The following ETV6 variants were observed in gnomAD, a reference collection of about 807,000 sequenced individuals.
The protein encoded by ETV6 is transcription factor ETV6.
ETV6 carries 16 observed loss-of-function variants against 51.1 expected under a neutral mutation model. The observed-to-expected ratio is 0.31, with a 90% CI of 0.21 to 0.48. The LOEUF (loss-of-function observed/expected upper bound fraction) is 0.48, where lower values mean the gene tolerates loss of function less well. ETV6 is among the 20% of genes least tolerant of loss of function. ETV6 has a pLI of 0.99. For missense variants in ETV6, 458 were observed against 594.8 expected (o/e 0.77, Z 2.39); for synonymous variants, 240 against 224.1 (o/e 1.07, Z -0.64).
chr12:11,797,080 T>A (rs911069170), intron 2 of ETV6, among the ~76,000 whole-genome samples: 1 of 152,232 alleles, frequency 6.6e-6, no homozygotes, highest in Non-Finnish European at 1.5e-5. Flanking sequence ...CAATGAAAGA[T>A]TCTTTTTCTC....
At chr12:11,666,885 C>A (rs1313355223) in intron 1 of ETV6, among the ~76,000 whole-genome samples, 1 of 152,208 alleles carries the variant, frequency 6.6e-6, no homozygotes, top group East Asian at 1.9e-4. Context: ...GTGGGTCAGT[C>A]TCCACGAGGC....
Position 11,895,206 on chromosome 12 carries a change from C to T in ETV6, c.*4160C>T. ...ACGACTCTAGAATTTCCTTCCCCGC[C>T]CCCCTTTTTGTTTAGTTTCTAATCT... On this transcript the variant is annotated 3_prime_UTR_variant, in exon 8 of 8. Transcript: ENST00000396373. 4.3e-6 allele frequency: 1 copy of T among 232,692 alleles called. No homozygotes were observed. The highest frequency in any genetic ancestry group is 8.5e-6 in the Non-Finnish European group (1 of 117,546). 14.4% of individuals were successfully genotyped at this position (232,692 alleles called of 1,614,324 possible).
intron 1 of ETV6, among the ~76,000 whole-genome samples, chr12:11,696,629 C>CA (rs1432167871): frequency 6.6e-6 from 1 of 152,050 alleles, no homozygotes; most frequent in Non-Finnish European, 1.5e-5. Context: ...CCAGCCTGGG[C>CA]AAGTGGTGAA....
intron 3 of ETV6, among the ~76,000 whole-genome samples, chr12:11,843,314 A>G (rs1302768315): frequency 4.6e-5 from 7 of 152,022 alleles, no homozygotes; most frequent in African/African-American, 1.7e-4. Flanking sequence ...AATCCTTTTT[A>G]TTTTCCAGAT....
chr12:11,849,080 T>C (rs1946508230), intron 3 of ETV6, among the ~76,000 whole-genome samples: 1 of 152,050 alleles, frequency 6.6e-6, no homozygotes, highest in African/African-American at 2.4e-5. Flanking sequence ...TTTTTAAATA[T>C]ATTCTTTATC....
At chr12:11,681,490 C>T (rs200633262) in intron 1 of ETV6, among the ~76,000 whole-genome samples, 98 of 151,772 alleles carry the variant, frequency 6.5e-4, no homozygotes, top group African/African-American at 2.1e-3. Context: ...TCATTTTCAC[C>T]GTTTAAGGTC....
At chr12:11,769,467 A>T (rs931585104) in intron 2 of ETV6, among the ~76,000 whole-genome samples, 2 of 152,136 alleles carry the variant, frequency 1.3e-5, no homozygotes, top group Non-Finnish European at 2.9e-5. Context: ...TTTTGATGGT[A>T]CCTGATTATA....
Position 11,663,708 on chromosome 12 carries a change from A to G in ETV6, c.33+13548A>G, listed in dbSNP as rs543456406. Among the ~76,000 whole-genome samples the G allele has an allele frequency of 1.1e-4, 16 of 152,280 alleles. No individual in the cohort carries two copies. The South Asian group carries it at 2.3e-3, about 22-fold the overall frequency. On this transcript the variant is annotated intron_variant, in intron 1 of 7. Transcript: ENST00000396373. The stretch of plus-strand genomic sequence containing the variant: ...TCTGGTCTGAAAAGGTGATGTGTAC[A>G]TATTGTACATTTGAGATAGTTTGCC...
intron 2 of ETV6, among the ~76,000 whole-genome samples, chr12:11,808,323 T>C (rs1235238438): frequency 6.6e-6 from 1 of 151,974 alleles, no homozygotes; most frequent in Non-Finnish European, 1.5e-5. Context: ...ATTTCCCCCA[T>C]GGGATACAAT....
At chr12:11,813,601 C>G (rs1945946304) in intron 2 of ETV6, among the ~76,000 whole-genome samples, 1 of 151,298 alleles carries the variant, frequency 6.6e-6, no homozygotes, top group African/African-American at 2.4e-5. Flanking sequence ...CTCCCTCCCT[C>G]TTTCCTTCTC....
intron 1 of ETV6, among the ~76,000 whole-genome samples, chr12:11,702,895 C>T (rs574891157): frequency 6.6e-6 from 1 of 152,212 alleles, no homozygotes; most frequent in South Asian, 2.1e-4. Flanking sequence ...CGCTTGAGCC[C>T]AGGAGTTTAA....
chr12:11,663,903 G>T (rs1864147687), intron 1 of ETV6, among the ~76,000 whole-genome samples: 1 of 152,190 alleles, frequency 6.6e-6, no homozygotes, highest in African/African-American at 2.4e-5. Flanking sequence ...CTTAAGTGAA[G>T]AGGTGTTTGG....
rs1945269482 is a variant in ETV6, at chr12:11,773,260, T to G, written c.163+20681T>G. 1.3e-5 allele frequency among the ~76,000 whole-genome samples: 2 copies of G among 151,302 alleles called. 1 individual carries two copies. Among genetic ancestry groups the G allele is most frequent in the South Asian group, 4.1e-4 (2 of 4,822 alleles). ...TGTCACCTTTTTGTCTTAAGTTTACTTTGTTGGTATAAAGAATTTTTTTTA... is the reference window on the plus strand; with the variant it reads ...TGTCACCTTTTTGTCTTAAGTTTACGTTGTTGGTATAAAGAATTTTTTTTA... On this transcript the variant is annotated intron_variant, in intron 2 of 7. Transcript: ENST00000396373.
At chr12:11,775,177 A>G (rs938130727) in intron 2 of ETV6, among the ~76,000 whole-genome samples, 1 of 152,230 alleles carries the variant, frequency 6.6e-6, no homozygotes, top group Admixed American at 6.5e-5. Flanking sequence ...GAGTAAAGGA[A>G]AAAGCTGGGC....
chr12:11,718,033 TG>T (rs1020979564), intron 1 of ETV6, among the ~76,000 whole-genome samples: 2 of 152,030 alleles, frequency 1.3e-5, no homozygotes, highest in African/African-American at 4.8e-5. Context: ...CTTCGAAACA[TG>T]GGGGGAAAGT....
Position 11,892,210 on chromosome 12 carries a change from ATTTTTTT to A in ETV6, c.*1181_*1187del, listed in dbSNP as rs35812814. 142 of 153,572 alleles carry A rather than the reference ATTTTTTT, an allele frequency of 9.2e-4. No homozygotes were observed. The highest frequency in any genetic ancestry group is 1.3e-3 in the Admixed American group (12 of 9,314). 9.5% of individuals were successfully genotyped at this position (153,572 alleles called of 1,614,324 possible). On this transcript the variant is annotated 3_prime_UTR_variant, in exon 8 of 8. Coordinates refer to ENST00000396373, the MANE Select transcript of ETV6 (RefSeq NM_001987.5). Reference sequence around the variant, plus strand: ...GTGGTCAGTTTCATGCCCTCACCTGATTTTTTTTTTTTTTTTTTTTTTTCAATTCCTA... The same window carrying A: ...GTGGTCAGTTTCATGCCCTCACCTGATTTTTTTTTTTTTTTTCAATTCCTA...
intron 2 of ETV6, among the ~76,000 whole-genome samples, chr12:11,758,949 A>T (rs755493237): frequency 2.0e-5 from 3 of 152,126 alleles, no homozygotes; most frequent in African/African-American, 4.8e-5. Context: ...TCCCCGCGGC[A>T]CATGTGGCTG....
At chr12:11,827,418 C>G (rs1946174205) in intron 2 of ETV6, among the ~76,000 whole-genome samples, 1 of 152,154 alleles carries the variant, frequency 6.6e-6, no homozygotes. Flanking sequence ...ACAGCATGTT[C>G]TAGAAAAGCC....
At position 11,884,518 on chromosome 12, in the gene ETV6, G is replaced by A. The variant is rs1428460034; in HGVS notation, c.1083G>A (p.Glu361=). Residue 361 remains glutamate (E), a synonymous_variant, in exon 6 of 8, where the codon GAG becomes GAA. Coordinates refer to ENST00000396373, the MANE Select transcript of ETV6 (RefSeq NM_001987.5). ...DSRYENFIRW[E]DKESKIFRIV... ...GGTACGAAAACTTCATCCGATGGGA[G>A]GACAAAGAATCCAAAATATTCCGGA... The A allele has an allele frequency of 1.9e-6, 3 of 1,614,196 alleles. No individual in the cohort carries two copies. Among genetic ancestry groups the A allele is most frequent in the African/African-American group, 2.7e-5 (2 of 75,048 alleles).
Sources: gnomAD v4.1 joint callset for allele counts (sites outside exome capture counted in the v4.1 genomes callset) on GRCh38, gnomAD v4.1.1 for gene constraint, MANE v1.5 for transcripts, NCBI Gene and HGNC (gene_info 2026-07-23, HGNC 2026-07-21) for gene names.